Variants in DNHD1 observed in about 807,000 individuals in gnomAD.
DNHD1 encodes the protein dynein heavy chain domain-containing protein 1.
DNHD1 carries 383 observed loss-of-function variants against 458.1 expected under a neutral mutation model. The observed-to-expected ratio is 0.84, with a 90% CI of 0.77 to 0.91. DNHD1 has a LOEUF of 0.91. Among genes scored for constraint, DNHD1 ranks in the 40% least tolerant of loss-of-function variants. The probability of loss-of-function intolerance (pLI) is 0.00; values close to 1 mark genes in which losing one functional copy is unlikely to be tolerated. For synonymous variants in DNHD1, 2,203 were observed against 2,376.9 expected, an observed-to-expected ratio of 0.93 and a Z score of 2.13; for missense variants, 5,336 against 5,866.1, an observed-to-expected ratio of 0.91 and a Z score of 2.95.
intron 12 of DNHD1, 32 bp from the exon 13 acceptor site, chr11:6,532,995 C>A (rs1165897042): frequency 6.5e-7 from 1 of 1,544,462 alleles, no homozygotes; most frequent in African/African-American, 1.4e-5. Flanking sequence ...CTTTTTTATG[C>A]GTCCCCTCAC....
rs762919628 is a variant in DNHD1 at position 6,570,059 on chromosome 11, C to A, written c.12914C>A (p.Ala4305Glu). The A allele has an allele frequency of 2.5e-6, 4 of 1,613,862 alleles. No homozygotes were observed. The highest frequency in any genetic ancestry group is 1.1e-5 in the South Asian group (1 of 91,082). Residue 4305 changes from alanine to glutamate, a missense_variant, in exon 40 of 43, where the codon GCA (alanine) becomes GAA (glutamate). By Grantham distance (107) the Ala-to-Glu change is moderately radical (BLOSUM62 -1). Coordinates refer to ENST00000254579, the MANE Select transcript of DNHD1 (RefSeq NM_144666.3). ...CTTCAGACCCAAGACCAGCTGTGGG[C>A]AAGTCTTAGCAATCCCCGTGCTGCC... Reference protein sequence around the residue: ...QVLQTQDQLWASLSNPRAAMQ... With the variant: ...QVLQTQDQLWESLSNPRAAMQ...
chr11:6,564,891 G>T, intron 32 of DNHD1, 87 bp downstream of exon 32: 1 of 1,156,854 alleles, frequency 8.6e-7, no homozygotes, highest in Non-Finnish European at 1.2e-6. Flanking sequence ...TCATAATGAG[G>T]ACACTGTATT....
chr11:6,509,648 TAATTCAGTTGTTTGAATCCA>T lies in DNHD1; in HGVS notation c.1235+379_1235+398del, dbSNP rs1320132133. On this transcript the variant is annotated intron_variant, in intron 6 of 42. Transcript: ENST00000254579. ...ATGTGTAATGTCAGATCTGGGGGTC[TAATTCAGTTGTTTGAATCCA>T]AACTCTGTGTTCTTTCCAAGATATT... 9.8e-5 allele frequency among the ~76,000 whole-genome samples: 15 copies of T among 152,314 alleles called. No individual in the cohort carries two copies. The South Asian group carries it at 2.1e-3, about 21-fold the overall frequency.
At position 6,538,652 on chromosome 11, in the gene DNHD1, T is replaced by C. The variant is rs1327381630; in HGVS notation, c.3167T>C (p.Leu1056Pro). The change falls in exon 16 of 43, where the codon CTG becomes CCG. Residue 1056 changes from leucine (L) to proline (P), a missense_variant. Around this residue, in one of 4 missense-constraint regions of DNHD1, gnomAD observed 3,932 missense variants for 4,365.6 expected, o/e 0.90. Transcript: ENST00000254579. ...GCCCAGGAGAAGACAGAGGGCTGGCTGACAGAGGCAGCACGGATGAGCACA... is the reference window on the plus strand; with the variant it reads ...GCCCAGGAGAAGACAGAGGGCTGGCCGACAGAGGCAGCACGGATGAGCACA... ...AMAQEKTEGWLTEAARMSTTL... is the reference protein window; with the variant it reads ...AMAQEKTEGWPTEAARMSTTL... The C allele has an allele frequency of 1.3e-6, 2 of 1,546,074 alleles. No individual in the cohort carries two copies. The highest frequency in any genetic ancestry group is 1.7e-6 in the Non-Finnish European group (2 of 1,143,010).
chr11:6,507,519 A>G (rs971962465), intron 4 of DNHD1, among the ~76,000 whole-genome samples: 2 of 152,134 alleles, frequency 1.3e-5, no homozygotes, highest in African/African-American at 4.8e-5. Flanking sequence ...TAAGCATTAC[A>G]TATATATTTG....
chr11:6,509,378 G>A lies in DNHD1; in HGVS notation c.1235+106G>A, dbSNP rs955617463. 38 of 1,003,446 alleles carry A rather than the reference G, an allele frequency of 3.8e-5. No homozygotes were observed. In the Admixed American group the frequency reaches 6.0e-4, roughly 16 times the overall value. 62.2% of individuals were successfully genotyped at this position (1,003,446 alleles called of 1,614,324 possible). On this transcript the variant is annotated intron_variant, in intron 6 of 42. Transcript: ENST00000254579. ...TCTGAAAGATACAAAAAAGCACTAA[G>A]AAAAAACCTTTAATCCTACCAACCA...
rs1438149734 is a variant in DNHD1 at position 6,571,389 on chromosome 11, G to T, written c.13877G>T (p.Arg4626Leu). 1 of 1,609,352 alleles carries T rather than the reference G, an allele frequency of 6.2e-7. No individual in the cohort carries two copies. The highest frequency in any genetic ancestry group is 2.2e-5 in the East Asian group (1 of 44,730). ...GSVSSQLQYK[R>L]LEMNSNPLHF... is the part of the protein sequence containing the mutation. ...GTCTCCAGTCAGCTCCAGTATAAAC[G>T]TCTGGAGATGAACAGCAACCCTCTG... The change falls in exon 42 of 43, where the codon CGT becomes CTT. Residue 4626 changes from arginine to leucine, a missense_variant. Arg to Leu is a moderately radical substitution (Grantham distance 102, BLOSUM62 -2). Around this residue, in one of 4 missense-constraint regions of DNHD1, gnomAD observed 698 missense variants for 664.9 expected, o/e 1.05. Transcript: ENST00000254579. This position sits in a 1 kb window ranked among gnomAD's most constrained non-coding sequence, Gnocchi z 5.0.
intron 7 of DNHD1, 150 bp from the exon 8 acceptor site, chr11:6,519,450 G>A (rs1432759608): frequency 3.7e-6 from 3 of 803,192 alleles, no homozygotes; most frequent in South Asian, 1.7e-5. Flanking sequence ...AGGGGGTGGG[G>A]TAGGGTAAAC....
intron 33 of DNHD1, 90 bp from the exon 34 acceptor site, chr11:6,566,151 G>T: frequency 2.0e-6 from 3 of 1,508,642 alleles, no homozygotes; most frequent in South Asian, 2.6e-5. Context: ...CAGCCACAGG[G>T]AAGCTGGTCA....
At position 6,498,078 on chromosome 11, in the gene DNHD1, G is replaced by A. The variant is rs994486197; in HGVS notation, c.-138G>A. 5 of 1,232,808 alleles carry A rather than the reference G, an allele frequency of 4.1e-6. No individual in the cohort carries two copies. Among genetic ancestry groups the A allele is most frequent in the Admixed American group, 4.5e-5 (2 of 44,642 alleles). The allele number at this position is 1,232,808 out of a possible 1,614,324, so 76.4% of individuals were successfully genotyped here. On this transcript the variant is annotated 5_prime_UTR_variant, in exon 3 of 43. Coordinates refer to ENST00000254579, the MANE Select transcript of DNHD1 (RefSeq NM_144666.3). The stretch of plus-strand genomic sequence containing the variant: ...TGACTCTGACCATCCCCTGCCCAGA[G>A]CCTGAGGTCCCTTCTCTGGCCCCTC...
At chr11:6,541,735 T>C (rs989248941) in intron 18 of DNHD1, among the ~76,000 whole-genome samples, 2 of 152,192 alleles carry the variant, frequency 1.3e-5, no homozygotes, top group Non-Finnish European at 2.9e-5. Context: ...GATTTTAGTT[T>C]AACAATATCA....
chr11:6,542,267 C>T (rs1046413353), intron 18 of DNHD1, among the ~76,000 whole-genome samples: 3 of 152,228 alleles, frequency 2.0e-5, no homozygotes, highest in Admixed American at 2.0e-4. Context: ...TGGTTCCACA[C>T]TTTGCCAGTC....
In DNHD1 at chr11:6,519,607, A is replaced by G; in HGVS notation, c.1400A>G (p.Glu467Gly). Residue 467 changes from glutamate to glycine, a missense_variant, in exon 8 of 43, where the codon GAG becomes GGG. This residue lies in a region of DNHD1 where 3,932 missense variants were observed against 4,365.6 expected (regional missense o/e 0.90). Coordinates refer to ENST00000254579, the MANE Select transcript of DNHD1 (RefSeq NM_144666.3). Reference protein sequence around the residue: ...LCTSILRLVHEDTYHMQQCLQ... With the variant: ...LCTSILRLVHGDTYHMQQCLQ... ...TCCACTCTATGCTCACAGGTTCACG[A>G]GGACACATACCACATGCAACAGTGC... 6.2e-7 allele frequency: 1 copy of G among 1,614,156 alleles called. No individual in the cohort carries two copies. The highest frequency in any genetic ancestry group is 1.7e-5 in the Admixed American group (1 of 60,018).
rs1853696604 is a variant in DNHD1 at position 6,566,349 on chromosome 11, G to C, written c.11162G>C (p.Cys3721Ser). ...CCACCCCAGGTGCAGCCTGGCTTCT[G>C]TCTGTATCTCAGCACCACCCTCTCC... ...LSPPQVQPGF[C>S]LYLSTTLSLC... Residue 3721 changes from cysteine (C) to serine (S), a missense_variant, in exon 34 of 43, where the codon TGT becomes TCT. By Grantham distance (112) the Cys-to-Ser change is moderately radical (BLOSUM62 -1). This residue lies in a region of DNHD1 where 695 missense variants were observed against 804.2 expected (regional missense o/e 0.86). Transcript: ENST00000254579. 4.5e-6 allele frequency: 7 copies of C among 1,556,408 alleles called. No homozygotes were observed. The highest frequency in any genetic ancestry group is 6.1e-6 in the Non-Finnish European group (7 of 1,149,742).
Position 6,570,115 on chromosome 11 carries a change from C to CT in DNHD1, c.12955+16dup, listed in dbSNP as rs556303934. On this transcript the variant is annotated intron_variant, in intron 40 of 42. Transcript: ENST00000254579. The stretch of plus-strand genomic sequence containing the variant: ...AGAGCTGGCTGGTGAGACCCTTCCT[C>CT]TCCCCCTTGGAGTCATCAGCCCCCA... 4 of 1,613,894 alleles carry CT rather than the reference C, an allele frequency of 2.5e-6. No individual in the cohort carries two copies. The African/African-American group carries it at 5.3e-5, about 22-fold the overall frequency.
At chr11:6,502,561 T>C (rs1226703997) in intron 3 of DNHD1, among the ~76,000 whole-genome samples, 192 bp from the exon 4 acceptor site, 1 of 152,252 alleles carries the variant, frequency 6.6e-6, no homozygotes, top group African/African-American at 2.4e-5. Flanking sequence ...AACTGTGTTC[T>C]ATGATACGCT....
chr11:6,564,686 C>G lies in DNHD1; in HGVS notation c.10638C>G (p.His3546Gln), dbSNP rs1325536225. The G allele has an allele frequency of 6.4e-7, 1 of 1,551,502 alleles. No homozygotes were observed. The highest frequency in any genetic ancestry group is 1.4e-5 in the African/African-American group (1 of 73,064). Residue 3546 changes from histidine to glutamine, a missense_variant, in exon 32 of 43, where the codon CAC becomes CAG. Coordinates refer to ENST00000254579, the MANE Select transcript of DNHD1 (RefSeq NM_144666.3). ...LAGLLLRSPT[H>Q]YSSCRWPLLL... ...GCTTGCTTCTGCGAAGCCCCACACA[C>G]TACAGTAGTTGCCGTTGGCCTCTGC...
At position 6,519,662 on chromosome 11, in the gene DNHD1, G is replaced by C. The variant is rs1223747037; in HGVS notation, c.1455G>C (p.Arg485Ser). The part of the protein sequence containing the change: ...CLQERVQNCD[R>S]IRTGQGSIYL... ...AGGAGCGAGTACAAAACTGTGACAG[G>C]ATCAGGACAGGCCAAGGCTCCATAT... Residue 485 changes from arginine (R) to serine (S), a missense_variant, in exon 8 of 43, where the codon AGG (arginine) becomes AGC (serine). By Grantham distance (110) the Arg-to-Ser change is moderately radical. Around this residue, in one of 4 missense-constraint regions of DNHD1, gnomAD observed 3,932 missense variants for 4,365.6 expected, o/e 0.90. Coordinates refer to ENST00000254579, the MANE Select transcript of DNHD1 (RefSeq NM_144666.3). The C allele has an allele frequency of 1.2e-6, 2 of 1,614,152 alleles. No individual in the cohort carries two copies. The highest frequency in any genetic ancestry group is 2.2e-5 in the South Asian group (2 of 91,080).
At chr11:6,519,300 T>A (rs1339828961) in intron 7 of DNHD1, among the ~76,000 whole-genome samples, 2 of 152,214 alleles carry the variant, frequency 1.3e-5, no homozygotes, top group Non-Finnish European at 2.9e-5. Flanking sequence ...ATTGTGAACC[T>A]CTATATTTAC....
Sources: gnomAD v4.1 joint callset for allele counts (sites outside exome capture counted in the v4.1 genomes callset) on GRCh38, gnomAD v4.1.1 for gene constraint, gnomAD v4.1.1 regional missense constraint, Gnocchi (gnomAD v3.1) non-coding constraint, MANE v1.5 for transcripts, NCBI Gene and HGNC (gene_info 2026-07-23, HGNC 2026-07-21) for gene names.